The following PRODH2 variants were observed in gnomAD, a reference collection of about 807,000 sequenced individuals.
The protein encoded by PRODH2 is proline dehydrogenase 2.
PRODH2 carries 49 observed loss-of-function variants against 51.9 expected under a neutral mutation model. The observed-to-expected ratio is 0.94, with a 90% confidence interval of 0.75 to 1.20. The LOEUF is 1.20. Among genes scored for constraint, PRODH2 ranks in the 50% most tolerant of loss-of-function variants. PRODH2 has a pLI of 0.00. For missense variants in PRODH2, 597 were observed against 610.9 expected, an observed-to-expected ratio of 0.98 and a Z score of 0.24; for synonymous variants, 249 against 260.7, an observed-to-expected ratio of 0.96 and a Z score of 0.43.
chr19:35,811,252 T>C (rs897516179), intron 4 of PRODH2, among the ~76,000 whole-genome samples: 6 of 151,778 alleles, frequency 4.0e-5, no homozygotes, highest in Non-Finnish European at 5.9e-5. Context: ...CAAAAAGATA[T>C]GCATTATACA....
chr19:35,802,576 T>TG (rs1972450049), intron 8 of PRODH2: 2 of 483,506 alleles, frequency 4.1e-6, no homozygotes, highest in African/African-American at 3.9e-5. Flanking sequence ...TTTGTTTGTT[T>TG]TAAGAGGTAG....
At chr19:35,810,640 C>G (rs1387772678) in intron 4 of PRODH2, among the ~76,000 whole-genome samples, 1 of 152,026 alleles carries the variant, frequency 6.6e-6, no homozygotes, top group African/African-American at 2.4e-5. Context: ...CCTGCCTCAG[C>G]CTCCCAAGTA....
intron 7 of PRODH2, among the ~76,000 whole-genome samples, chr19:35,804,931 G>C (rs1176154947): frequency 1.3e-5 from 2 of 152,112 alleles, no homozygotes; most frequent in African/African-American, 4.8e-5. Flanking sequence ...GTGAGACCCT[G>C]TCTCAAAAAT....
At chr19:35,802,891 C>G in intron 8 of PRODH2, 77 bp downstream of exon 8, 1 of 1,071,676 alleles carries the variant, frequency 9.3e-7, no homozygotes, top group East Asian at 2.7e-5. Flanking sequence ...CTGTCCATCT[C>G]TGGCATTTGA....
At chr19:35,809,958 CAAAAAAAAAAAAAAA>C (rs1175392997) in intron 4 of PRODH2, among the ~76,000 whole-genome samples, 23 of 12,822 alleles carry the variant, frequency 1.8e-3, no homozygotes, top group African/African-American at 8.4e-3. Flanking sequence ...GATGCCGCTT[CAAAAAAAAAAAAAAA>C]AAAAAAAAAA....
intron 4 of PRODH2, among the ~76,000 whole-genome samples, chr19:35,808,088 G>A (rs949137461): frequency 6.6e-6 from 1 of 152,170 alleles, no homozygotes; most frequent in African/African-American, 2.4e-5. Flanking sequence ...CCCCTGACTT[G>A]CAAGTAAGTG....
At chr19:35,806,298 G>T (rs1599820061) in intron 7 of PRODH2, 132 bp downstream of exon 7, 1 of 1,144,310 alleles carries the variant, frequency 8.7e-7, no homozygotes, top group East Asian at 2.4e-5. Flanking sequence ...TGCCCAGGCT[G>T]GTCTCCAACT....
intron 4 of PRODH2, among the ~76,000 whole-genome samples, chr19:35,810,294 T>A (rs1430099070): frequency 6.9e-6 from 1 of 144,246 alleles, no homozygotes; most frequent in Non-Finnish European, 1.5e-5. Context: ...TAATAATAAA[T>A]AAATAGATAA....
rs143049724 is a variant in PRODH2 at position 35,811,386 on chromosome 19, AAGAGAG to A, written c.597+570_597+575del. Among the ~76,000 whole-genome samples the A allele has an allele frequency of 9.6e-5, 13 of 135,446 alleles. No homozygotes were observed. The East Asian group carries it at 9.7e-4, about 10-fold the overall frequency. The allele number at this position is 135,446 out of a possible 152,430, so 88.9% of individuals were successfully genotyped here. A position where few individuals can be genotyped will look rare whatever the true frequency, so the allele number is the denominator to read the frequency against. On this transcript the variant is annotated intron_variant, in intron 4 of 9. Coordinates refer to ENST00000653904, the MANE Select transcript of PRODH2 (RefSeq NM_021232.2). ...TGTGCAATACAGTAAGACAAAGAGA[AAGAGAG>A]AGAGAGAGAGAGAGGAGGGAGGAGA...
intron 4 of PRODH2, 128 bp downstream of exon 4, chr19:35,811,834 A>T: frequency 1.1e-6 from 1 of 891,096 alleles, no homozygotes; most frequent in Non-Finnish European, 1.7e-6. Flanking sequence ...CCTGGGAGCT[A>T]CAGCTGCACT....
Position 35,812,518 on chromosome 19 carries a change from G to A in PRODH2, c.213C>T (p.Leu71=), listed in dbSNP as rs147960570. Residue 71 remains leucine, a synonymous_variant, in exon 2 of 10, where the codon CTC becomes CTT. Transcript: ENST00000653904. ...CGGATGCTCGGAGAAATGCGCCTGA[G>A]AGCCGGGAGCCCAGGAGTCGCCGAG... ...AWSRRLLGSR[L]SGAFLRASVY... The A allele has an allele frequency of 5.6e-6, 9 of 1,614,062 alleles. No homozygotes were observed. Among genetic ancestry groups the A allele is most frequent in the Non-Finnish European group, 7.6e-6 (9 of 1,180,018 alleles).
chr19:35,802,577 T>TTTG (rs1972450120), intron 8 of PRODH2: 2 of 480,112 alleles, frequency 4.2e-6, no homozygotes, highest in African/African-American at 4.0e-5. Flanking sequence ...TTGTTTGTTT[T>TTTG]AAGAGGTAGG....
intron 7 of PRODH2, 69 bp from the exon 8 acceptor site, chr19:35,803,147 G>A (rs1599818017): frequency 1.7e-6 from 2 of 1,167,452 alleles, no homozygotes; most frequent in East Asian, 5.6e-5. Flanking sequence ...GGGGTGGGTG[G>A]GGTGCTCCTA....
intron 6 of PRODH2, 39 bp from the exon 7 acceptor site, chr19:35,806,635 T>C: frequency 6.2e-7 from 1 of 1,613,950 alleles, no homozygotes. Context: ...GGTCAGGGTG[T>C]GGGGACCCCA....
intron 9 of PRODH2, among the ~76,000 whole-genome samples, 187 bp from the exon 10 acceptor site, chr19:35,800,409 C>G (rs757401957): frequency 6.6e-6 from 1 of 152,112 alleles, no homozygotes; most frequent in Non-Finnish European, 1.5e-5. Flanking sequence ...CCACGACGCC[C>G]GGCTCATTTT....
At chr19:35,811,894 G>A in intron 4 of PRODH2, 68 bp downstream of exon 4, 1 of 1,460,108 alleles carries the variant, frequency 6.8e-7, no homozygotes, top group Non-Finnish European at 9.5e-7. Flanking sequence ...TTGAACATCT[G>A]GCGTGCGGTG....
chr19:35,807,124 A>G lies in PRODH2; in HGVS notation c.598-3T>C. 1.3e-6 allele frequency: 2 copies of G among 1,546,854 alleles called. No homozygotes were observed. Among genetic ancestry groups the G allele is most frequent in the East Asian group, 2.4e-5 (1 of 40,978 alleles). The stretch of plus-strand genomic sequence containing the variant: ...TTGAGGCAGGAGACCTGGAGGTTCT[A>G]GGGGGCAGCAGGGGAAGTGGGGAAA... On this transcript the variant is annotated splice_region_variant and splice_polypyrimidine_tract_variant and intron_variant, in intron 4 of 9. Transcript: ENST00000653904.
In PRODH2 at chr19:35,800,155, C is replaced by T. The variant is rs114228438; in HGVS notation, c.1266G>A (p.Leu422=). The change falls in exon 10 of 10, where the codon CTG becomes CTA. Residue 422 remains leucine (L), a synonymous_variant. Transcript: ENST00000653904. Reference sequence around the variant, plus strand: ...TCCGGTTCTCCTGGGCCCTCCGGATCAGGTAGGGGATTACCTCCTCCAAGG... The same window carrying T: ...TCCGGTTCTCCTGGGCCCTCCGGATTAGGTAGGGGATTACCTCCTCCAAGG... ...YGSLEEVIPY[L]IRRAQENRSV... 1.4e-3 allele frequency: 2,170 copies of T among 1,604,776 alleles called. 18 individuals carry two copies. The African/African-American group carries it at 0.025, about 18-fold the overall frequency.
At chr19:35,808,512 CCT>C (rs923660452) in intron 4 of PRODH2, among the ~76,000 whole-genome samples, 1 of 152,100 alleles carries the variant, frequency 6.6e-6, no homozygotes, top group Non-Finnish European at 1.5e-5. Context: ...TTCCTCCTCC[CCT>C]GTCAGAGGAT....
Sources: gnomAD v4.1 joint callset for allele counts (sites outside exome capture counted in the v4.1 genomes callset) on GRCh38, gnomAD v4.1.1 for gene constraint, MANE v1.5 for transcripts, NCBI Gene and HGNC (gene_info 2026-07-23, HGNC 2026-07-21) for gene names.